Variants in TRPV4 observed in about 807,000 individuals in gnomAD.
The protein encoded by TRPV4 is OSM9-like transient receptor potential channel 4.
A neutral mutation model predicts 84.1 loss-of-function variants in TRPV4; 58 were observed. That is an observed-to-expected ratio of 0.69 (90% CI 0.56 to 0.86). The LOEUF (loss-of-function observed/expected upper bound fraction) is 0.86. Ranked by LOEUF, TRPV4 falls within the 40% of genes least tolerant of loss-of-function variation. The pLI is 0.00. For synonymous variants in TRPV4, 489 were observed against 500.9 expected (o/e 0.98, Z 0.32); for missense variants, 879 against 1,181.1 (o/e 0.74, Z 3.75).
At chr12:109,799,815 C>A (rs918486879) in intron 5 of TRPV4, among the ~76,000 whole-genome samples, 2 of 151,926 alleles carry the variant, frequency 1.3e-5, no homozygotes, top group Admixed American at 1.3e-4. Context: ...GGCTGGAGTG[C>A]AGTGGTGCAA....
chr12:109,792,333 G>A (rs749530038), intron 12 of TRPV4, 30 bp downstream of exon 12: 2 of 1,605,838 alleles, frequency 1.2e-6, no homozygotes, highest in African/African-American at 1.3e-5. Flanking sequence ...CACCACCCCT[G>A]CCAGGACCAC....
chr12:109,783,864 C>T lies in TRPV4; in HGVS notation c.2459-86G>A. ...TTGAGTGCCTACTGTGTACTGGGCA[C>T]TCCACAGTGTTCTGAAGGGGGGATG... On this transcript the variant is annotated intron_variant, in intron 15 of 15. Coordinates refer to ENST00000261740, the MANE Select transcript of TRPV4 (RefSeq NM_021625.5). The surrounding 1 kb of genome is among the most constrained non-coding windows in gnomAD (Gnocchi z 4.6). 1 of 1,482,062 alleles carries T rather than the reference C, an allele frequency of 6.7e-7. No individual in the cohort carries two copies. Among genetic ancestry groups the T allele is most frequent in the Admixed American group, 1.7e-5 (1 of 57,630 alleles). 91.8% of individuals were successfully genotyped at this position (1,482,062 alleles called of 1,614,324 possible).
rs1890405731 is a variant in TRPV4, at chr12:109,796,489, C to A, written c.1332+36G>T. 1 of 1,612,862 alleles carries A rather than the reference C, an allele frequency of 6.2e-7. No individual in the cohort carries two copies. Among genetic ancestry groups the A allele is most frequent in the Admixed American group, 1.7e-5 (1 of 59,952 alleles). On this transcript the variant is annotated intron_variant, in intron 7 of 15. Coordinates refer to ENST00000261740, the MANE Select transcript of TRPV4 (RefSeq NM_021625.5). This position sits in a 1 kb window ranked among gnomAD's most constrained non-coding sequence, Gnocchi z 4.2. ...TGTCCCTACTCCCAGCCCTGCCCCT[C>A]CTTCCTCACACCCCATGCCCCCTCC...
Position 109,796,589 on chromosome 12 carries a change from G to A in TRPV4, c.1268C>T (p.Ser423Phe), listed in dbSNP as rs1232664610. ...PVYSSLYDLS[S>F]LDTCGEEASV... Reference sequence around the variant, plus strand: ...GGCCTCTTCCCCACACGTGTCCAGGGAGGAGAGGTCATAAAGCGAGGAATA... The same window carrying A: ...GGCCTCTTCCCCACACGTGTCCAGGAAGGAGAGGTCATAAAGCGAGGAATA... Residue 423 changes from serine (S) to phenylalanine (F), a missense_variant, in exon 7 of 16, where the codon TCC (serine) becomes TTC (phenylalanine). Transcript: ENST00000261740. This position sits in a 1 kb window ranked among gnomAD's most constrained non-coding sequence, Gnocchi z 4.2. The A allele has an allele frequency of 6.2e-7, 1 of 1,614,212 alleles. No individual in the cohort carries two copies. The highest frequency in any genetic ancestry group is 2.2e-5 in the East Asian group (1 of 44,886).
intron 1 of TRPV4, among the ~76,000 whole-genome samples, chr12:109,826,521 C>G (rs1482707316): frequency 6.6e-6 from 1 of 152,214 alleles, no homozygotes. Flanking sequence ...GATGAACAAA[C>G]TGAAGATCAG....
In TRPV4 at chr12:109,808,330, G is replaced by T. The variant is rs777171152; in HGVS notation, c.525C>A (p.Thr175=). The T allele has an allele frequency of 3.1e-6, 5 of 1,614,226 alleles. No homozygotes were observed. The highest frequency in any genetic ancestry group is 1.3e-5 in the African/African-American group (1 of 75,070). ...CCTCATCAGTTAGGCGTTTCTTGTG[G>T]GTCAGCAAGAATGGGAGCAGCCCGT... The part of the protein sequence containing the change: ...DLDGLLPFLL[T]HKKRLTDEEF... Residue 175 remains threonine (T), a synonymous_variant, in exon 3 of 16, where the codon ACC becomes ACA. Transcript: ENST00000261740.
In TRPV4 at chr12:109,793,657, G is replaced by T; in HGVS notation, c.1585-57C>A. On this transcript the variant is annotated intron_variant, in intron 9 of 15. Coordinates refer to ENST00000261740, the MANE Select transcript of TRPV4 (RefSeq NM_021625.5). The surrounding 1 kb of genome is among the most constrained non-coding windows in gnomAD (Gnocchi z 4.0). ...TGGGGCCAGCAGGAGAGGAGAGGAG[G>T]AGAGAGGAGACAGAGAAAGGGATAG... 1 of 1,403,138 alleles carries T rather than the reference G, an allele frequency of 7.1e-7. No individual in the cohort carries two copies. The highest frequency in any genetic ancestry group is 1.0e-6 in the Non-Finnish European group (1 of 988,278). 86.9% of individuals were successfully genotyped at this position (1,403,138 alleles called of 1,614,324 possible).
rs1056105811 is a variant in TRPV4 at position 109,814,032 on chromosome 12, GATGGATGGATGT to G, written c.386+367_386+378del. Among the ~76,000 whole-genome samples the G allele has an allele frequency of 6.6e-6, 1 of 151,936 alleles. No homozygotes were observed. Among genetic ancestry groups the G allele is most frequent in the African/African-American group, 2.4e-5 (1 of 41,328 alleles). On this transcript the variant is annotated intron_variant, in intron 2 of 15. Coordinates refer to ENST00000261740, the MANE Select transcript of TRPV4 (RefSeq NM_021625.5). The surrounding 1 kb of genome is among the most constrained non-coding windows in gnomAD (Gnocchi z 5.4). ...ATGGATAGATGATAGATGGCTGGAT[GATGGATGGATGT>G]ATGGATGGATGATATATGGATGGAT...
rs1244243434 is a variant in TRPV4 at position 109,783,967 on chromosome 12, A to ATGC, written c.2459-190_2459-189insGCA. Reference sequence around the variant, plus strand: ...TGCCTCCCCAGGAGAGAATGGAGGAACCAGGATTCAAGCCTGGAGCCGAAT... The same window carrying ATGC: ...TGCCTCCCCAGGAGAGAATGGAGGAATGCCCAGGATTCAAGCCTGGAGCCGAAT... On this transcript the variant is annotated intron_variant, in intron 15 of 15. Coordinates refer to ENST00000261740, the MANE Select transcript of TRPV4 (RefSeq NM_021625.5). This position sits in a 1 kb window ranked among gnomAD's most constrained non-coding sequence, Gnocchi z 4.6. 6.6e-6 allele frequency among the ~76,000 whole-genome samples: 1 copy of ATGC among 152,130 alleles called. No homozygotes were observed. The highest frequency in any genetic ancestry group is 1.5e-5 in the Non-Finnish European group (1 of 68,024).
intron 3 of TRPV4, among the ~76,000 whole-genome samples, chr12:109,804,396 G>A (rs558526866): frequency 7.7e-4 from 117 of 152,222 alleles, no homozygotes; most frequent in African/African-American, 2.7e-3. Flanking sequence ...TCAGGTTTGA[G>A]GCCTGGCTTT....
At chr12:109,804,469 GAAGGGAAAT>G (rs1200231382) in intron 3 of TRPV4, among the ~76,000 whole-genome samples, 1 of 152,168 alleles carries the variant, frequency 6.6e-6, no homozygotes, top group Admixed American at 6.5e-5. Flanking sequence ...TTAAAGCTAT[GAAGGGAAAT>G]CAAAGAGCTA....
In TRPV4 at chr12:109,794,336, T is replaced by C; in HGVS notation, c.1484A>G (p.Glu495Gly). The C allele has an allele frequency of 6.2e-7, 1 of 1,611,988 alleles. No individual in the cohort carries two copies. The highest frequency in any genetic ancestry group is 8.5e-7 in the Non-Finnish European group (1 of 1,179,996). The change falls in exon 8 of 16, where the codon GAG becomes GGG. Residue 495 changes from glutamate (E) to glycine (G), a missense_variant. By Grantham distance (98) the Glu-to-Gly change is moderately conservative (BLOSUM62 -2). This residue lies in a region of TRPV4 where 521 missense variants were observed against 686.6 expected (regional missense o/e 0.76). Coordinates refer to ENST00000261740, the MANE Select transcript of TRPV4 (RefSeq NM_021625.5). ...CGGTCCCCGGGCACTCACTGTGCCC[T>C]CCAGCGGCTGGTAGTAGGCGGTGAG... ...FTLTAYYQPL[E>G]GTPPYPYRTT...
chr12:109,792,612 C>T (rs1890118026), intron 11 of TRPV4, 40 bp downstream of exon 11: 1 of 1,612,896 alleles, frequency 6.2e-7, no homozygotes, highest in East Asian at 2.2e-5. Flanking sequence ...GTGACTCCCT[C>T]CAGGAACACA....
intron 1 of TRPV4, among the ~76,000 whole-genome samples, chr12:109,823,225 G>A (rs928754787): frequency 1.3e-5 from 2 of 152,212 alleles, no homozygotes; most frequent in African/African-American, 2.4e-5. Flanking sequence ...GGCCCAGCCC[G>A]CTTCCTGTTT....
intron 12 of TRPV4, among the ~76,000 whole-genome samples, chr12:109,791,475 C>T (rs1008269060): frequency 2.0e-5 from 3 of 151,104 alleles, no homozygotes; most frequent in Non-Finnish European, 2.9e-5. Flanking sequence ...TTGCCATTCA[C>T]CAGCTTTTTT....
Position 109,814,432 on chromosome 12 carries a change from C to T in TRPV4, c.365G>A (p.Arg122Lys). 1 of 1,614,114 alleles carries T rather than the reference C, an allele frequency of 6.2e-7. No homozygotes were observed. The highest frequency in any genetic ancestry group is 1.1e-5 in the South Asian group (1 of 91,066). Residue 122 changes from arginine to lysine, a missense_variant, in exon 2 of 16, where the codon AGG (arginine) becomes AAG (lysine). Arg to Lys is a conservative substitution (Grantham distance 26, BLOSUM62 2). Coordinates refer to ENST00000261740, the MANE Select transcript of TRPV4 (RefSeq NM_021625.5). The surrounding 1 kb of genome is among the most constrained non-coding windows in gnomAD (Gnocchi z 5.4). ...TCACTCTATGATCTTCTTCCTCCAC[C>T]TCTTGTTGTCACTGGAGTGGTGACG... ...TYRHHSSDNKRWRKKIIEKQP... is the reference protein window; with the variant it reads ...TYRHHSSDNKKWRKKIIEKQP...
intron 1 of TRPV4, among the ~76,000 whole-genome samples, chr12:109,831,401 G>A (rs908232655): frequency 5.3e-5 from 8 of 152,138 alleles, no homozygotes; most frequent in South Asian, 2.1e-4. Context: ...ACTAAGCGTC[G>A]GCCATCCATG....
Position 109,796,807 on chromosome 12 carries a change from G to A in TRPV4, c.1153-103C>T, listed in dbSNP as rs553205615. On this transcript the variant is annotated intron_variant, in intron 6 of 15. Transcript: ENST00000261740. This position sits in a 1 kb window ranked among gnomAD's most constrained non-coding sequence, Gnocchi z 4.2. Reference sequence around the variant, plus strand: ...CCTCCCCAGAAAACAGCTAAGCACCGGCTGCTGGAGGACCCTTTCCTCATC... The same window carrying A: ...CCTCCCCAGAAAACAGCTAAGCACCAGCTGCTGGAGGACCCTTTCCTCATC... The A allele has an allele frequency of 9.1e-5, 105 of 1,152,884 alleles. No homozygotes were observed. The highest frequency in any genetic ancestry group is 2.9e-4 in the Middle Eastern group (1 of 3,446). 71.4% of individuals were successfully genotyped at this position (1,152,884 alleles called of 1,614,324 possible). A position where few individuals can be genotyped will look rare whatever the true frequency, so the allele number is the denominator to read the frequency against.
Position 109,814,199 on chromosome 12 carries a change from C to T in TRPV4, c.386+212G>A, listed in dbSNP as rs111548654. 0.022 allele frequency among the ~76,000 whole-genome samples: 3,182 copies of T among 144,358 alleles called. 127 individuals are homozygous for T. Among genetic ancestry groups the T allele is most frequent in the African/African-American group, 0.078 (3,004 of 38,744 alleles). 94.7% of individuals were successfully genotyped at this position (144,358 alleles called of 152,430 possible). ...ATGTGTGGATGGTTGGATGGATGGA[C>T]GAATAGATGGGTGGTTGGATGGATG... is the stretch of plus-strand genomic sequence containing the variant. On this transcript the variant is annotated intron_variant, in intron 2 of 15. Coordinates refer to ENST00000261740, the MANE Select transcript of TRPV4 (RefSeq NM_021625.5). This position sits in a 1 kb window ranked among gnomAD's most constrained non-coding sequence, Gnocchi z 5.4.
Sources: gnomAD v4.1 joint callset for allele counts (sites outside exome capture counted in the v4.1 genomes callset) on GRCh38, gnomAD v4.1.1 for gene constraint, gnomAD v4.1.1 regional missense constraint, Gnocchi (gnomAD v3.1) non-coding constraint, MANE v1.5 for transcripts, NCBI Gene and HGNC (gene_info 2026-07-23, HGNC 2026-07-21) for gene names.